OTP: variants seen among roughly 807,000 people sequenced by gnomAD.
OTP encodes homeobox protein orthopedia.
OTP carries 5 observed loss-of-function variants against 22.3 expected under a neutral mutation model. The ratio of observed to expected loss-of-function variants is 0.22; its 90% confidence interval spans 0.12 to 0.47. OTP has a LOEUF of 0.47. Among genes scored for constraint, OTP ranks in the 20% least tolerant of loss-of-function variants. The probability of loss-of-function intolerance (pLI) is 0.99; values close to 1 mark genes in which losing one functional copy is unlikely to be tolerated. For synonymous variants in OTP, 229 were observed against 210.6 expected, an observed-to-expected ratio of 1.09 and a Z score of -0.76; for missense variants, 428 against 456.2, an observed-to-expected ratio of 0.94 and a Z score of 0.56.
At chr5:77,637,629 T>TG in intron 1 of OTP, among the ~76,000 whole-genome samples, 1 of 152,350 alleles carries the variant, frequency 6.6e-6, no homozygotes, top group East Asian at 1.9e-4. Context: ...CCTCGGTTGC[T>TG]GCGGCACCTG....
intron 2 of OTP, among the ~76,000 whole-genome samples, chr5:77,634,612 A>G (rs533098353): frequency 2.6e-5 from 4 of 152,352 alleles, no homozygotes; most frequent in African/African-American, 4.8e-5. Context: ...TATTGATCAT[A>G]TAAGAACATA....
In OTP at chr5:77,630,798, G is replaced by T; in HGVS notation, c.448-4C>A. The stretch of plus-strand genomic sequence containing the variant: ...CGCGTCGGTTCTGGAACCAGACCTG[G>T]AGCGGGCGGGGCGGGAGACAGACAG... On this transcript the variant is annotated splice_polypyrimidine_tract_variant and splice_region_variant and intron_variant, in intron 2 of 2. Coordinates refer to ENST00000306422, the MANE Select transcript of OTP (RefSeq NM_032109.3). 1 of 1,537,458 alleles carries T rather than the reference G, an allele frequency of 6.5e-7. No homozygotes were observed. The highest frequency in any genetic ancestry group is 8.7e-7 in the Non-Finnish European group (1 of 1,150,748).
chr5:77,633,420 A>C (rs979182079), intron 2 of OTP, among the ~76,000 whole-genome samples: 1 of 152,234 alleles, frequency 6.6e-6, no homozygotes, highest in Non-Finnish European at 1.5e-5. Flanking sequence ...GCTACGATGC[A>C]TATGTTTTTT....
intron 1 of OTP, 35 bp downstream of exon 1, chr5:77,638,478 T>A (rs772457682): frequency 1.3e-6 from 2 of 1,561,156 alleles, no homozygotes; most frequent in Non-Finnish European, 1.7e-6. Flanking sequence ...TGCCCCGGCT[T>A]CTCCTGGCTG....
chr5:77,636,454 G>T (rs971412835), intron 2 of OTP: 5 of 230,244 alleles, frequency 2.2e-5, no homozygotes, highest in Non-Finnish European at 4.2e-5. Context: ...TCATTAGGGG[G>T]TAATATTTGT....
chr5:77,635,207 A>C (rs1204685066), intron 2 of OTP, among the ~76,000 whole-genome samples: 1 of 152,172 alleles, frequency 6.6e-6, no homozygotes, highest in Admixed American at 6.5e-5. Context: ...AAAGGACAAA[A>C]CCCCAAAATT....
Position 77,629,818 on chromosome 5 carries a change from G to A in OTP, c.*446C>T, listed in dbSNP as rs1393182955. The stretch of plus-strand genomic sequence containing the variant: ...CCGGGCGCGGGAGGAGGGTCGCGAA[G>A]TGTGGGGAAAGAGGGGACCGGAGGG... On this transcript the variant is annotated 3_prime_UTR_variant, in exon 3 of 3. Transcript: ENST00000306422. 1.2e-5 allele frequency: 2 copies of A among 172,444 alleles called. No individual in the cohort carries two copies. Among genetic ancestry groups the A allele is most frequent in the East Asian group, 1.5e-4 (1 of 6,734 alleles). The allele number at this position is 172,444 out of a possible 1,614,324, so 10.7% of individuals were successfully genotyped here. A position where few individuals can be genotyped will look rare whatever the true frequency, so the allele number is the denominator to read the frequency against.
intron 2 of OTP, among the ~76,000 whole-genome samples, chr5:77,632,754 A>G (rs576670093): frequency 6.6e-6 from 1 of 152,260 alleles, no homozygotes; most frequent in East Asian, 1.9e-4. Flanking sequence ...GGCGATGGAT[A>G]AACAGGTCTC....
intron 2 of OTP, among the ~76,000 whole-genome samples, chr5:77,633,745 G>GA (rs1744963822): frequency 1.3e-5 from 2 of 152,034 alleles, no homozygotes; most frequent in South Asian, 4.1e-4. Flanking sequence ...CTGAGAAATA[G>GA]AAAAAAGAGG....
At position 77,630,459 on chromosome 5, in the gene OTP, G is replaced by A; in HGVS notation, c.783C>T (p.Gly261=). Residue 261 remains glycine (G), a synonymous_variant, in exon 3 of 3, where the codon GGC becomes GGT. Coordinates refer to ENST00000306422, the MANE Select transcript of OTP (RefSeq NM_032109.3). ...GGTAGAGGTGCGACTGCAGCCCCGC[G>A]CCGTTGGAACCCGCCAGGCTGTTGG... is the stretch of plus-strand genomic sequence containing the variant. ...GLSNSLAGSN[G]AGLQSHLYQP... The A allele has an allele frequency of 6.3e-7, 1 of 1,585,776 alleles. No homozygotes were observed. The highest frequency in any genetic ancestry group is 8.6e-7 in the Non-Finnish European group (1 of 1,167,850).
At chr5:77,633,376 A>T (rs1017012091) in intron 2 of OTP, among the ~76,000 whole-genome samples, 1 of 152,200 alleles carries the variant, frequency 6.6e-6, no homozygotes, top group East Asian at 1.9e-4. Context: ...TTGGGAAAAA[A>T]AATCTGCGTG....
rs1350659353 is a variant in OTP at position 77,630,427 on chromosome 5, G to A, written c.815C>T (p.Ala272Val). The part of the protein sequence containing the change: ...AGLQSHLYQP[A>V]FPGMVPASLP... ...GGAGGCGGGCACCATGCCGGGGAAG[G>A]CGGGCTGGTAGAGGTGCGACTGCAG... is the stretch of plus-strand genomic sequence containing the variant. Residue 272 changes from alanine (A) to valine (V), a missense_variant, in exon 3 of 3, where the codon GCC (alanine) becomes GTC (valine). By Grantham distance (64) the Ala-to-Val change is moderately conservative (BLOSUM62 0). Coordinates refer to ENST00000306422, the MANE Select transcript of OTP (RefSeq NM_032109.3). 6 of 1,581,160 alleles carry A rather than the reference G, an allele frequency of 3.8e-6. No individual in the cohort carries two copies. The highest frequency in any genetic ancestry group is 1.7e-6 in the Non-Finnish European group (2 of 1,165,708).
chr5:77,631,534 G>A (rs547085202), intron 2 of OTP, among the ~76,000 whole-genome samples: 102 of 146,030 alleles, frequency 7.0e-4, no homozygotes, highest in African/African-American at 2.3e-3. Context: ...GCTGCCCCAA[G>A]AGCCTTCAAC....
At position 77,630,383 on chromosome 5, in the gene OTP, C is replaced by T. The variant is rs1744907147; in HGVS notation, c.859G>A (p.Val287Ile). The change falls in exon 3 of 3, where the codon GTC becomes ATC. Residue 287 changes from valine (V) to isoleucine (I), a missense_variant. Coordinates refer to ENST00000306422, the MANE Select transcript of OTP (RefSeq NM_032109.3). ...CTGCAGAGCTGGGGCGAACCGGAGA[C>T]GTTGCTGGGGCCGGGGAGGGAGGCG... ...VPASLPGPSN[V>I]SGSPQLCSSP... The T allele has an allele frequency of 1.3e-6, 2 of 1,579,258 alleles. No homozygotes were observed. Among genetic ancestry groups the T allele is most frequent in the Non-Finnish European group, 1.7e-6 (2 of 1,166,290 alleles).
chr5:77,635,437 C>T (rs1744991620), intron 2 of OTP, among the ~76,000 whole-genome samples: 1 of 152,112 alleles, frequency 6.6e-6, no homozygotes, highest in South Asian at 2.1e-4. Flanking sequence ...ATGGTCTAGG[C>T]CTTTCACTAG....
At position 77,629,916 on chromosome 5, in the gene OTP, A is replaced by G. The variant is rs6878934; in HGVS notation, c.*348T>C. 0.47 allele frequency: 80,349 copies of G among 170,612 alleles called. 18,924 individuals carry two copies. Among genetic ancestry groups the G allele is most frequent in the African/African-American group, 0.5 (20,790 of 41,344 alleles). 10.6% of individuals were successfully genotyped at this position (170,612 alleles called of 1,614,324 possible). Reference sequence around the variant, plus strand: ...TGGGAACGCCGCCCGTCAGAAGGCCAGGAGGAGGGCGCGAGCACGGCCAGC... The same window carrying G: ...TGGGAACGCCGCCCGTCAGAAGGCCGGGAGGAGGGCGCGAGCACGGCCAGC... On this transcript the variant is annotated 3_prime_UTR_variant, in exon 3 of 3. Coordinates refer to ENST00000306422, the MANE Select transcript of OTP (RefSeq NM_032109.3).
At chr5:77,634,561 G>T (rs1311935645) in intron 2 of OTP, among the ~76,000 whole-genome samples, 1 of 152,160 alleles carries the variant, frequency 6.6e-6, no homozygotes, top group Non-Finnish European at 1.5e-5. Flanking sequence ...ATACTGAAAA[G>T]AATGTGTGGC....
chr5:77,636,483 T>G, intron 2 of OTP: 3 of 303,548 alleles, frequency 9.9e-6, no homozygotes, highest in East Asian at 6.1e-5. Context: ...CGAGCAGGAG[T>G]TGAGGTGTGC....
At chr5:77,633,913 G>C (rs994478796) in intron 2 of OTP, among the ~76,000 whole-genome samples, 4 of 152,184 alleles carry the variant, frequency 2.6e-5, no homozygotes, top group Admixed American at 6.5e-5. Context: ...AGCCAGCCGT[G>C]AACTCTGGGC....
Sources: gnomAD v4.1 joint callset for allele counts (sites outside exome capture counted in the v4.1 genomes callset) on GRCh38, gnomAD v4.1.1 for gene constraint, MANE v1.5 for transcripts, NCBI Gene and HGNC (gene_info 2026-07-23, HGNC 2026-07-21) for gene names.